MYOM3: variants seen among roughly 807,000 people sequenced by gnomAD.
The protein encoded by MYOM3 is myomesin-3.
In MYOM3, 155 loss-of-function variants were observed where a neutral mutation model predicts 191.7. The ratio of observed to expected loss-of-function variants is 0.81; its 90% confidence interval spans 0.71 to 0.92. The LOEUF (loss-of-function observed/expected upper bound fraction) is 0.92. MYOM3 is among the 40% of genes least tolerant of loss of function. The pLI is 0.00. For synonymous variants in MYOM3, 757 were observed against 762.9 expected, an observed-to-expected ratio of 0.99 and a Z score of 0.13; for missense variants, 1,889 against 1,890.6, an observed-to-expected ratio of 1.00 and a Z score of 0.02.
intron 15 of MYOM3, among the ~76,000 whole-genome samples, chr1:24,085,408 G>C (rs1275082922): frequency 2.6e-5 from 4 of 152,328 alleles, no homozygotes; most frequent in East Asian, 1.9e-4. Context: ...GCAGATGCAT[G>C]GATGGACTGA....
chr1:24,094,971 G>A lies in MYOM3; in HGVS notation c.810C>T (p.Ser270=), dbSNP rs377539278. 124 of 1,613,190 alleles carry A rather than the reference G, an allele frequency of 7.7e-5. No individual in the cohort carries two copies. Among genetic ancestry groups the A allele is most frequent in the Non-Finnish European group, 9.7e-5 (115 of 1,179,778 alleles). The change falls in exon 9 of 37, where the codon AGC becomes AGT. Residue 270 remains serine, a synonymous_variant. Coordinates refer to ENST00000374434, the MANE Select transcript of MYOM3 (RefSeq NM_152372.4). ...EIFKRSTFGP[S]VEFTSVLKPV... is the part of the protein sequence containing the mutation. ...GCTTCAGCACCGAGGTGAATTCCAC[G>A]CTGGGGCCAAACGTCGATCCTGGCG...
chr1:24,091,481 A>C (rs547294632), intron 11 of MYOM3, among the ~76,000 whole-genome samples: 8 of 152,320 alleles, frequency 5.3e-5, no homozygotes, highest in African/African-American at 1.9e-4. Context: ...GCAGTACGAC[A>C]GTGCACGTTA....
In MYOM3 at chr1:24,099,696, A is replaced by T. The variant is rs1043078382; in HGVS notation, c.640T>A (p.Ser214Thr). 1 of 1,613,820 alleles carries T rather than the reference A, an allele frequency of 6.2e-7. No individual in the cohort carries two copies. Among genetic ancestry groups the T allele is most frequent in the Non-Finnish European group, 8.5e-7 (1 of 1,179,794 alleles). Residue 214 changes from serine (S) to threonine (T), a missense_variant, in exon 6 of 37, where the codon TCC becomes ACC. Ser to Thr is a moderately conservative substitution (Grantham distance 58, BLOSUM62 1). Coordinates refer to ENST00000374434, the MANE Select transcript of MYOM3 (RefSeq NM_152372.4). Reference protein sequence around the residue: ...YRITNNYGLLSLEIRRCAIED... With the variant: ...YRITNNYGLLTLEIRRCAIED... ...CAGTCTCACCTCCTAATCTCCAGGGACAGCAGCCCGTAGTTGTTGGTGATT... is the reference window on the plus strand; with the variant it reads ...CAGTCTCACCTCCTAATCTCCAGGGTCAGCAGCCCGTAGTTGTTGGTGATT...
chr1:24,081,774 C>T (rs1643672683), intron 18 of MYOM3: 1 of 595,994 alleles, frequency 1.7e-6, no homozygotes, highest in South Asian at 2.3e-5. Flanking sequence ...ATGTTGCAGA[C>T]TGGTCTCAAA....
chr1:24,093,148 G>C, intron 9 of MYOM3, 40 bp from the exon 10 acceptor site: 3 of 1,510,050 alleles, frequency 2.0e-6, no homozygotes, highest in Non-Finnish European at 2.7e-6. Context: ...TTTGTGGGGG[G>C]TCCTGGTCTC....
At chr1:24,058,775 C>T in intron 36 of MYOM3, 149 bp downstream of exon 36, 1 of 646,442 alleles carries the variant, frequency 1.5e-6, no homozygotes. Context: ...CAGTGACTTT[C>T]CTTTGTACCA....
rs937136550 is a variant in MYOM3, at chr1:24,056,836, G to T, written c.*528C>A. On this transcript the variant is annotated 3_prime_UTR_variant, in exon 37 of 37. Coordinates refer to ENST00000374434, the MANE Select transcript of MYOM3 (RefSeq NM_152372.4). ...AGGTCTGTTTCTCCCACTGGACTGA[G>T]GCCTCTTTGCAAGCAGAACCTGCTT... is the stretch of plus-strand genomic sequence containing the variant. 1.0e-4 allele frequency: 16 copies of T among 154,270 alleles called. 1 individual carries two copies. The highest frequency in any genetic ancestry group is 3.4e-4 in the African/African-American group (14 of 41,546). 9.6% of individuals were successfully genotyped at this position (154,270 alleles called of 1,614,324 possible).
Position 24,089,667 on chromosome 1 carries a change from T to C in MYOM3, c.1487-2A>G. The C allele has an allele frequency of 6.3e-7, 1 of 1,577,932 alleles. No homozygotes were observed. Among genetic ancestry groups the C allele is most frequent in the Non-Finnish European group, 8.6e-7 (1 of 1,161,698 alleles). On this transcript the variant is annotated splice_acceptor_variant, in intron 13 of 36. Transcript: ENST00000374434. LOFTEE classifies it high-confidence loss of function. ...GCGGTGAGGGGATGGTCACAGTATC[T>C]GAAATCAGAGTCACCCGGGACCGAG...
Position 24,076,184 on chromosome 1 carries a change from A to C in MYOM3, c.2676T>G (p.Asp892Glu). 2 of 1,614,106 alleles carry C rather than the reference A, an allele frequency of 1.2e-6. No homozygotes were observed. The highest frequency in any genetic ancestry group is 1.7e-6 in the Non-Finnish European group (2 of 1,179,966). ...AGLGQPSMPTDPVLLEDKPGA... is the reference protein window; with the variant it reads ...AGLGQPSMPTEPVLLEDKPGA... ...CTGGCTTGTCCTCCAGGAGCACGGGATCAGTGGGCATGGACGGTTGCCCCA... is the reference window on the plus strand; with the variant it reads ...CTGGCTTGTCCTCCAGGAGCACGGGCTCAGTGGGCATGGACGGTTGCCCCA... The change falls in exon 21 of 37, where the codon GAT (aspartate) becomes GAG (glutamate). Residue 892 changes from aspartate (D) to glutamate (E), a missense_variant. Asp to Glu is a conservative substitution (Grantham distance 45). Transcript: ENST00000374434.
At chr1:24,091,249 T>C (rs912604701) in intron 11 of MYOM3, among the ~76,000 whole-genome samples, 4 of 152,174 alleles carry the variant, frequency 2.6e-5, no homozygotes, top group Non-Finnish European at 5.9e-5. Context: ...TGCTGTGCCC[T>C]CCACACCCAG....
chr1:24,088,710 A>T (rs1465903603), intron 14 of MYOM3, among the ~76,000 whole-genome samples: 1 of 152,184 alleles, frequency 6.6e-6, no homozygotes, highest in Non-Finnish European at 1.5e-5. Flanking sequence ...TTTTCTGTCC[A>T]CCTAGTTTGT....
At position 24,107,208 on chromosome 1, in the gene MYOM3, G is replaced by A; in HGVS notation, c.267C>T (p.Thr89=). The part of the protein sequence containing the change: ...LSWEAQLRRQ[T]SAVELEERGQ... Reference sequence around the variant, plus strand: ...CTCGCTCCTCCAGCTCCACGGCAGAGGTCTGGCGTCTCAGCTGGGCTTCCC... The same window carrying A: ...CTCGCTCCTCCAGCTCCACGGCAGAAGTCTGGCGTCTCAGCTGGGCTTCCC... Residue 89 remains threonine, a synonymous_variant, in exon 4 of 37, where the codon ACC becomes ACT. Transcript: ENST00000374434. 1.9e-6 allele frequency: 3 copies of A among 1,604,514 alleles called. No homozygotes were observed. Among genetic ancestry groups the A allele is most frequent in the Non-Finnish European group, 2.6e-6 (3 of 1,175,664 alleles).
rs1374433540 is a variant in MYOM3 at position 24,112,038 on chromosome 1, G to A, written c.-26C>T. Reference sequence around the variant, plus strand: ...TTTCTGGGGGTGACTCACAGAAGCAGTGTGCCCACTTAGGAGTCTCTGGGG... The same window carrying A: ...TTTCTGGGGGTGACTCACAGAAGCAATGTGCCCACTTAGGAGTCTCTGGGG... On this transcript the variant is annotated 5_prime_UTR_variant, in exon 1 of 37. Transcript: ENST00000374434. The A allele has an allele frequency of 6.6e-6, 1 of 152,226 alleles. No individual in the cohort carries two copies. 9.4% of individuals were successfully genotyped at this position (152,226 alleles called of 1,614,324 possible).
rs1291498885 is a variant in MYOM3, at chr1:24,071,116, C to T, written c.3150+1G>A. The T allele has an allele frequency of 6.2e-7, 1 of 1,613,508 alleles. No individual in the cohort carries two copies. Among genetic ancestry groups the T allele is most frequent in the South Asian group, 1.1e-5 (1 of 91,010 alleles). On this transcript the variant is annotated splice_donor_variant, in intron 25 of 36. Transcript: ENST00000374434. LOFTEE classifies it high-confidence loss of function. ...TTCAGGGATTGTGAGCACCCAATTA[C>T]CGGCGAGCTGAAGATCTCCTTGTTG...
chr1:24,090,042 G>A (rs754939685), intron 13 of MYOM3, 23 bp downstream of exon 13: 6 of 1,611,200 alleles, frequency 3.7e-6, no homozygotes, highest in Middle Eastern at 1.6e-4. Context: ...AGGAGGCCCA[G>A]TGTGTGGGAG....
rs2148555066 is a variant in MYOM3 at position 24,089,647 on chromosome 1, G to A, written c.1505C>T (p.Ser502Leu). The A allele has an allele frequency of 6.3e-7, 1 of 1,587,614 alleles. No individual in the cohort carries two copies. Among genetic ancestry groups the A allele is most frequent in the Non-Finnish European group, 8.6e-7 (1 of 1,167,080 alleles). The change falls in exon 14 of 37, where the codon TCA (serine) becomes TTA (leucine). Residue 502 changes from serine (S) to leucine (L), a missense_variant. By Grantham distance (145) the Ser-to-Leu change is moderately radical (BLOSUM62 -2). Transcript: ENST00000374434. The stretch of plus-strand genomic sequence containing the variant: ...GCTGGCATGGACATTGGTTGGCGGT[G>A]AGGGGATGGTCACAGTATCTGAAAT... Reference protein sequence around the residue: ...DAFEDTVTIPSPPTNVHASEI... With the variant: ...DAFEDTVTIPLPPTNVHASEI...
At chr1:24,081,525 C>G (rs10903090) in intron 18 of MYOM3, 69 bp from the exon 19 acceptor site, 658,142 of 1,569,794 alleles carry the variant, frequency 0.42, 140,383 homozygotes, top group East Asian at 0.45. Context: ...AGCAGTGGTG[C>G]GGGAGGGACT....
At chr1:24,084,153 T>A in intron 16 of MYOM3, 1 of 308,976 alleles carries the variant, frequency 3.2e-6, no homozygotes, top group Non-Finnish European at 6.1e-6. Context: ...GATTGGATCA[T>A]GGGGGCGGAT....
intron 21 of MYOM3, among the ~76,000 whole-genome samples, chr1:24,075,946 T>C (rs1643593732): frequency 6.6e-6 from 1 of 152,352 alleles, no homozygotes; most frequent in East Asian, 1.9e-4. Context: ...GATTCTGTCA[T>C]ATACTAGCGT....
Sources: allele counts gnomAD v4.1 joint callset (sites outside exome capture counted in the v4.1 genomes callset), GRCh38; gene constraint gnomAD v4.1.1; transcripts MANE v1.5; gene names NCBI Gene and HGNC (gene_info 2026-07-23, HGNC 2026-07-21).